The following DLGAP1 variants were observed in gnomAD, a reference collection of about 807,000 sequenced individuals.
The protein encoded by DLGAP1 is disks large-associated protein 1.
Under a neutral mutation model 90.8 loss-of-function variants are expected in DLGAP1, and 11 were observed. That is an observed-to-expected ratio of 0.12 (90% CI 0.08 to 0.20). The LOEUF (loss-of-function observed/expected upper bound fraction) is 0.20. Among genes scored for constraint, DLGAP1 ranks in the 10% least tolerant of loss-of-function variants. The probability of loss-of-function intolerance (pLI) is 1.00; values close to 1 mark genes in which losing one functional copy is unlikely to be tolerated. For missense variants in DLGAP1, 1,050 were observed against 1,333.8 expected (o/e 0.79, Z 3.31); for synonymous variants, 558 against 540.7 (o/e 1.03, Z -0.44).
At position 3,879,844 on chromosome 18, in the gene DLGAP1, G is replaced by A. The variant is rs1461963075; in HGVS notation, c.225C>T (p.Tyr75=). 1.9e-6 allele frequency: 3 copies of A among 1,609,716 alleles called. No homozygotes were observed. The highest frequency in any genetic ancestry group is 2.5e-6 in the Non-Finnish European group (3 of 1,179,804). ...CGTCCTTCAGCTCTTGCTGCGAGGT[G>A]TAGTGCCTGCGGGGGAAGGTGCTGC... ...LASSTFPRRH[Y]TSQQELKDEC... is the part of the protein sequence containing the mutation. The change falls in exon 4 of 13, where the codon TAC becomes TAT. Residue 75 remains tyrosine, a synonymous_variant. Transcript: ENST00000315677. This position sits in a 1 kb window ranked among gnomAD's most constrained non-coding sequence, Gnocchi z 6.6.
At chr18:3,913,923 A>G (rs2072087701) in intron 3 of DLGAP1, among the ~76,000 whole-genome samples, 1 of 152,234 alleles carries the variant, frequency 6.6e-6, no homozygotes, top group South Asian at 2.1e-4. Flanking sequence ...GAAACCTGTT[A>G]CTAATTTGAA....
At chr18:3,745,217 T>C (rs1319205492) in intron 5 of DLGAP1, among the ~76,000 whole-genome samples, 2 of 152,200 alleles carry the variant, frequency 1.3e-5, no homozygotes, top group Non-Finnish European at 2.9e-5. Flanking sequence ...GGAAGTGATA[T>C]CTGAAGGGTA....
intron 1 of DLGAP1, among the ~76,000 whole-genome samples, chr18:4,338,311 TTTTG>T (rs2081116805): frequency 6.6e-6 from 1 of 152,224 alleles, no homozygotes; most frequent in African/African-American, 2.4e-5. Flanking sequence ...TTGTTGTCAG[TTTTG>T]TTTATTGAGA....
chr18:4,028,325 C>T, intron 2 of DLGAP1, among the ~76,000 whole-genome samples: 1 of 152,024 alleles, frequency 6.6e-6, no homozygotes, highest in Non-Finnish European at 1.5e-5. Context: ...CATAATAGAC[C>T]ATAAAAGTGA....
intron 1 of DLGAP1, among the ~76,000 whole-genome samples, chr18:4,289,843 T>C (rs2079802837): frequency 1.3e-5 from 2 of 152,198 alleles, no homozygotes; most frequent in South Asian, 4.1e-4. Context: ...AGCTTTTGCA[T>C]AATTATAAGA....
intron 3 of DLGAP1, among the ~76,000 whole-genome samples, chr18:3,945,923 T>C (rs1463156913): frequency 6.6e-6 from 1 of 152,192 alleles, no homozygotes; most frequent in Non-Finnish European, 1.5e-5. Flanking sequence ...ATTCAGAATC[T>C]GTCGATGAAA....
intron 10 of DLGAP1, 110 bp downstream of exon 10, chr18:3,534,084 A>C: frequency 8.1e-7 from 1 of 1,235,410 alleles, no homozygotes; most frequent in Non-Finnish European, 1.1e-6. Flanking sequence ...GGGGTGTGGA[A>C]CGTCAAGGTT....
intron 3 of DLGAP1, among the ~76,000 whole-genome samples, chr18:3,893,108 C>T (rs77914905): frequency 0.021 from 3,260 of 151,906 alleles, 118 homozygotes; most frequent in African/African-American, 0.075. Flanking sequence ...TTTATGTCCA[C>T]GTGTACACAT....
In DLGAP1 at chr18:4,038,469, G is replaced by A. The variant is rs559515918; in HGVS notation, c.-158-33268C>T. Among the ~76,000 whole-genome samples, 17 of 152,048 alleles carry A rather than the reference G, an allele frequency of 1.1e-4. No individual in the cohort carries two copies. In the East Asian group the frequency reaches 2.9e-3, roughly 26 times the overall value. On this transcript the variant is annotated intron_variant, in intron 2 of 12. Coordinates refer to ENST00000315677, the MANE Select transcript of DLGAP1 (RefSeq NM_004746.4). Reference sequence around the variant, plus strand: ...CCACAGAGAGGCAGGAATGAAAACCGCTTGCAGATAGTTCTGTGTTAATTT... The same window carrying A: ...CCACAGAGAGGCAGGAATGAAAACCACTTGCAGATAGTTCTGTGTTAATTT...
At chr18:4,152,411 A>G (rs1056743011) in intron 1 of DLGAP1, among the ~76,000 whole-genome samples, 1 of 152,212 alleles carries the variant, frequency 6.6e-6, no homozygotes, top group African/African-American at 2.4e-5. Context: ...AGTAGATGTC[A>G]GAGGAGGTGA....
chr18:4,135,992 A>G (rs985747075), intron 2 of DLGAP1, among the ~76,000 whole-genome samples: 2 of 151,896 alleles, frequency 1.3e-5, no homozygotes, highest in South Asian at 2.1e-4. Flanking sequence ...TACATTAGGT[A>G]TATCTCCTAA....
intron 4 of DLGAP1, among the ~76,000 whole-genome samples, chr18:3,829,592 C>A (rs1568204326): frequency 6.6e-6 from 1 of 152,078 alleles, no homozygotes; most frequent in Non-Finnish European, 1.5e-5. Flanking sequence ...TGGTGAGTAG[C>A]AAGTCTGAAA....
chr18:3,592,977 A>G (rs1434064323), intron 7 of DLGAP1, among the ~76,000 whole-genome samples: 1 of 152,084 alleles, frequency 6.6e-6, no homozygotes, highest in Non-Finnish European at 1.5e-5. Flanking sequence ...AGATCCCACT[A>G]TCCCCATTTA....
intron 1 of DLGAP1, among the ~76,000 whole-genome samples, chr18:4,265,626 C>A: frequency 1.6e-5 from 1 of 61,910 alleles, no homozygotes; most frequent in Admixed American, 1.6e-4. Flanking sequence ...CCTCCCTCCC[C>A]TTCCCTCCCT....
chr18:3,740,997 CCT>C (rs539157676), intron 6 of DLGAP1, among the ~76,000 whole-genome samples: 135 of 96,372 alleles, frequency 1.4e-3, no homozygotes, highest in African/African-American at 4.9e-3. Flanking sequence ...ACCACCATCA[CCT>C]CACCACCACC....
At chr18:4,041,373 C>T (rs780053315) in intron 2 of DLGAP1, among the ~76,000 whole-genome samples, 1 of 152,172 alleles carries the variant, frequency 6.6e-6, no homozygotes, top group African/African-American at 2.4e-5. Context: ...AGGCAGGCTA[C>T]AGTTACAGAG....
rs931978877 is a variant in DLGAP1, at chr18:4,104,759, A to G, written c.-159+46421T>C. Among the ~76,000 whole-genome samples the G allele has an allele frequency of 4.6e-5, 7 of 152,200 alleles. No homozygotes were observed. The East Asian group carries it at 1.3e-3, about 29-fold the overall frequency. ...CCAGAATACATACTAGAAAATAAGA[A>G]TATAATAAGAAGGGGTTGGTCCTGG... is the stretch of plus-strand genomic sequence containing the variant. On this transcript the variant is annotated intron_variant, in intron 2 of 12. Transcript: ENST00000315677.
intron 9 of DLGAP1, among the ~76,000 whole-genome samples, chr18:3,551,558 T>C (rs1302262767): frequency 2.0e-5 from 3 of 152,208 alleles, no homozygotes; most frequent in African/African-American, 7.2e-5. Context: ...ACAGTTCCAC[T>C]ATTATTTCTA....
chr18:4,221,910 C>T (rs571605227), intron 1 of DLGAP1, among the ~76,000 whole-genome samples: 1 of 152,240 alleles, frequency 6.6e-6, no homozygotes, highest in Admixed American at 6.5e-5. Context: ...AATAGTTGAT[C>T]ACTACCTTCT....
Sources: gnomAD v4.1 joint callset for allele counts (sites outside exome capture counted in the v4.1 genomes callset) on GRCh38, gnomAD v4.1.1 for gene constraint, Gnocchi (gnomAD v3.1) non-coding constraint, MANE v1.5 for transcripts, NCBI Gene and HGNC (gene_info 2026-07-23, HGNC 2026-07-21) for gene names.